The following FHIT variants were observed in gnomAD, a reference collection of about 807,000 sequenced individuals.
The protein encoded by FHIT is bis(5'-adenosyl)-triphosphatase.
A neutral mutation model predicts 17.9 loss-of-function variants in FHIT; 19 were observed. The observed-to-expected ratio is 1.06, with a 90% confidence interval of 0.74 to 1.56. The LOEUF is 1.56. Among genes scored for constraint, FHIT ranks in the 40% most tolerant of loss-of-function variants. The pLI, the probability that FHIT is intolerant of heterozygous loss-of-function variation, is 0.00. For synonymous variants in FHIT, 81 were observed against 69.7 expected (o/e 1.16, Z -0.81); for missense variants, 248 against 189.2 (o/e 1.31, Z -1.82).
At chr3:59,806,178 C>CAA (rs35957311) in intron 8 of FHIT, among the ~76,000 whole-genome samples, 2,397 of 116,354 alleles carry the variant, frequency 0.021, 65 homozygotes, top group African/African-American at 0.069. Flanking sequence ...GAATCTGTCT[C>CAA]AAAAAAAAAA....
chr3:60,222,606 T>C (rs146239486), intron 5 of FHIT, among the ~76,000 whole-genome samples: 2,641 of 152,044 alleles, frequency 0.017, 78 homozygotes, highest in African/African-American at 0.06. Flanking sequence ...CTGGCCAACA[T>C]GATGAAACCC....
chr3:60,088,913 C>T (rs1441052644), intron 5 of FHIT, among the ~76,000 whole-genome samples: 2 of 151,970 alleles, frequency 1.3e-5, no homozygotes, highest in East Asian at 3.9e-4. Flanking sequence ...GAAAAAATAC[C>T]CAGACTTGGT....
intron 5 of FHIT, among the ~76,000 whole-genome samples, chr3:60,162,428 A>G (rs17062390): frequency 2.0e-5 from 3 of 152,148 alleles, no homozygotes; most frequent in African/African-American, 7.2e-5. Flanking sequence ...TTTCTGGATT[A>G]CTTTATTGAC....
chr3:60,120,588 T>G (rs1178018103), intron 5 of FHIT, among the ~76,000 whole-genome samples: 2 of 152,152 alleles, frequency 1.3e-5, no homozygotes, highest in Non-Finnish European at 2.9e-5. Context: ...TACTGTAGGG[T>G]TGAGAATGTA....
In FHIT at chr3:60,134,704, T is replaced by C. The variant is rs1238683083; in HGVS notation, c.104-120552A>G. Reference sequence around the variant, plus strand: ...CCTCCAAGAGAGACACCGACAAATGTAGACACGTAAACATGCTCCTCCAAA... The same window carrying C: ...CCTCCAAGAGAGACACCGACAAATGCAGACACGTAAACATGCTCCTCCAAA... On this transcript the variant is annotated intron_variant, in intron 5 of 9. Transcript: ENST00000492590. 3.9e-5 allele frequency among the ~76,000 whole-genome samples: 6 copies of C among 152,196 alleles called. No individual in the cohort carries two copies. The South Asian group carries it at 1.0e-3, about 26-fold the overall frequency.
At chr3:60,549,998 G>T (rs11130772) in intron 4 of FHIT, among the ~76,000 whole-genome samples, 13,108 of 152,112 alleles carry the variant, frequency 0.086, 1,225 homozygotes, top group African/African-American at 0.22. Context: ...CTTAACTCCA[G>T]ACACTTCTAC....
chr3:60,329,095 A>T lies in FHIT; in HGVS notation c.103+207765T>A, dbSNP rs138602737. 5.2e-3 allele frequency among the ~76,000 whole-genome samples: 790 copies of T among 152,364 alleles called. 7 individuals are homozygous for T. The highest frequency in any genetic ancestry group is 0.018 in the African/African-American group (749 of 41,586). Reference sequence around the variant, plus strand: ...ATATGGATTTAATTAGTTAACTGCCATCTCAAGGATGAGAACCATGACAAA... The same window carrying T: ...ATATGGATTTAATTAGTTAACTGCCTTCTCAAGGATGAGAACCATGACAAA... On this transcript the variant is annotated intron_variant, in intron 5 of 9. Transcript: ENST00000492590.
intron 4 of FHIT, among the ~76,000 whole-genome samples, chr3:60,671,526 C>A (rs2107842824): frequency 6.6e-6 from 1 of 152,068 alleles, no homozygotes; most frequent in South Asian, 2.1e-4. Flanking sequence ...ACAGGGTGTT[C>A]ACTATAAAAT....
intron 5 of FHIT, among the ~76,000 whole-genome samples, chr3:60,310,094 G>A (rs374624841): frequency 5.7e-4 from 86 of 152,140 alleles, no homozygotes; most frequent in South Asian, 4.8e-3. Flanking sequence ...GTAAACAAAG[G>A]CAACCTTTAT....
At chr3:60,073,686 G>A (rs773489298) in intron 5 of FHIT, among the ~76,000 whole-genome samples, 2 of 152,002 alleles carry the variant, frequency 1.3e-5, no homozygotes, top group African/African-American at 4.8e-5. Flanking sequence ...ACCCTACTAA[G>A]TAAGTGTTTC....
chr3:60,951,665 C>T (rs1201930539), intron 3 of FHIT, among the ~76,000 whole-genome samples: 1 of 152,034 alleles, frequency 6.6e-6, no homozygotes, highest in Non-Finnish European at 1.5e-5. Flanking sequence ...ACAACGCTCT[C>T]GGAGCAAACG....
chr3:60,907,212 G>T (rs1706473199), intron 3 of FHIT, among the ~76,000 whole-genome samples: 1 of 152,086 alleles, frequency 6.6e-6, no homozygotes, highest in South Asian at 2.1e-4. Flanking sequence ...ACCAAAACTG[G>T]CACAAACAAA....
At chr3:60,965,200 T>G (rs1208905104) in intron 3 of FHIT, among the ~76,000 whole-genome samples, 1 of 150,660 alleles carries the variant, frequency 6.6e-6, no homozygotes, top group South Asian at 2.1e-4. Context: ...ATCACTGATA[T>G]TCTTTCTTCC....
intron 4 of FHIT, among the ~76,000 whole-genome samples, chr3:60,778,019 G>A (rs1700264380): frequency 6.6e-6 from 1 of 152,140 alleles, no homozygotes. Flanking sequence ...CCCCCGATGT[G>A]TCCAGAACTA....
At chr3:61,094,077 GA>G (rs1227129493) in intron 2 of FHIT, among the ~76,000 whole-genome samples, 1 of 151,900 alleles carries the variant, frequency 6.6e-6, no homozygotes. Context: ...AAATTAAAAA[GA>G]AAAAATTACA....
intron 5 of FHIT, among the ~76,000 whole-genome samples, chr3:60,248,187 T>A (rs1183392128): frequency 6.6e-6 from 1 of 152,130 alleles, no homozygotes. Flanking sequence ...CCCCTAAGAG[T>A]TCAAAATCCA....
chr3:59,994,633 C>G (rs756228720), intron 7 of FHIT, among the ~76,000 whole-genome samples: 1 of 151,984 alleles, frequency 6.6e-6, no homozygotes, highest in Non-Finnish European at 1.5e-5. Flanking sequence ...AAAACAAATC[C>G]CAGGGAAGAA....
chr3:61,159,443 G>A (rs1169453613), intron 2 of FHIT, among the ~76,000 whole-genome samples: 1 of 152,142 alleles, frequency 6.6e-6, no homozygotes, highest in African/African-American at 2.4e-5. Context: ...TCAGTGCACA[G>A]AAGACTCAAC....
intron 5 of FHIT, among the ~76,000 whole-genome samples, chr3:60,158,299 C>G (rs560263547): frequency 6.6e-6 from 1 of 151,934 alleles, no homozygotes; most frequent in Non-Finnish European, 1.5e-5. Flanking sequence ...TAAGACAAAA[C>G]AAGACTATTT....
Sources: allele counts gnomAD v4.1 joint callset (sites outside exome capture counted in the v4.1 genomes callset), GRCh38; gene constraint gnomAD v4.1.1; transcripts MANE v1.5; gene names NCBI Gene and HGNC (gene_info 2026-07-23, HGNC 2026-07-21).